Variants in DOCK1 observed in about 807,000 individuals in gnomAD.
DOCK1 encodes the protein dedicator of cytokinesis 1, also known as dedicator of cytokinesis protein 1.
A neutral mutation model predicts 262.7 loss-of-function variants in DOCK1; 138 were observed. The observed-to-expected ratio is 0.53, with a 90% confidence interval of 0.46 to 0.61. The LOEUF (loss-of-function observed/expected upper bound fraction) is 0.61. Ranked by LOEUF, DOCK1 falls within the 20% of genes least tolerant of loss-of-function variation. DOCK1 has a pLI of 0.00. For missense variants in DOCK1, 1,908 were observed against 2,370.7 expected (o/e 0.80, Z 4.05); for synonymous variants, 866 against 867.4 (o/e 1.00, Z 0.03).
intron 27 of DOCK1, among the ~76,000 whole-genome samples, chr10:127,183,823 T>C (rs1307686216): frequency 6.6e-6 from 1 of 152,220 alleles, no homozygotes; most frequent in African/African-American, 2.4e-5. Context: ...TCCTTAAAAA[T>C]CTACCTCTTA....
chr10:126,925,854 G>A (rs1249763049), intron 1 of DOCK1, among the ~76,000 whole-genome samples: 1 of 151,920 alleles, frequency 6.6e-6, no homozygotes, highest in African/African-American at 2.4e-5. Context: ...TCACAGTAGG[G>A]TGTGATGTGG....
At chr10:127,153,738 A>G (rs1376706348) in intron 27 of DOCK1, 2 of 789,218 alleles carry the variant, frequency 2.5e-6, no homozygotes, top group Non-Finnish European at 2.1e-6. Flanking sequence ...AAGGTCCTTC[A>G]CTTTTTGTCT....
At chr10:127,318,103 T>C (rs1295790155) in intron 29 of DOCK1, among the ~76,000 whole-genome samples, 1 of 152,194 alleles carries the variant, frequency 6.6e-6, no homozygotes, top group African/African-American at 2.4e-5. Context: ...TAGATATTGA[T>C]TTGCTAAGTT....
intron 1 of DOCK1, among the ~76,000 whole-genome samples, chr10:126,921,752 A>G (rs1288798555): frequency 6.6e-6 from 1 of 152,112 alleles, no homozygotes; most frequent in Non-Finnish European, 1.5e-5. Context: ...TCCTGGGTTC[A>G]AGCGATTCTC....
chr10:127,373,639 G>A (rs981887563), intron 33 of DOCK1, 142 bp from the exon 34 acceptor site: 15 of 714,566 alleles, frequency 2.1e-5, no homozygotes, highest in Non-Finnish European at 2.8e-5. Flanking sequence ...TTCTGTGTTG[G>A]CAACTCTTAA....
At chr10:127,295,308 G>A (rs915436786) in intron 29 of DOCK1, among the ~76,000 whole-genome samples, 5 of 152,120 alleles carry the variant, frequency 3.3e-5, no homozygotes, top group Non-Finnish European at 7.4e-5. Flanking sequence ...GGGAGAGGAG[G>A]AGGTGCCAGC....
chr10:127,134,448 A>G (rs1474593615), intron 27 of DOCK1, among the ~76,000 whole-genome samples: 1 of 152,196 alleles, frequency 6.6e-6, no homozygotes, highest in Non-Finnish European at 1.5e-5. Context: ...AGGTTTTCCC[A>G]TACTTTGAGC....
chr10:127,021,514 G>A (rs2042420531), intron 13 of DOCK1, among the ~76,000 whole-genome samples: 1 of 152,138 alleles, frequency 6.6e-6, no homozygotes, highest in Non-Finnish European at 1.5e-5. Flanking sequence ...GAATTTTTAG[G>A]CTGAGAGATC....
intron 10 of DOCK1, among the ~76,000 whole-genome samples, chr10:127,002,934 AT>A (rs1304446589): frequency 6.6e-6 from 1 of 152,162 alleles, no homozygotes; most frequent in Non-Finnish European, 1.5e-5. Flanking sequence ...TTGCTCGTGA[AT>A]TTTCCAGAGT....
rs2038090991 is a variant in DOCK1, at chr10:126,971,272, C to T, written c.130+487C>T. ...TTCACCCTGTTGGTCAGGCTGGTCT[C>T]GAACTCCTGACCTCAAATGATCTGC... On this transcript the variant is annotated intron_variant, in intron 2 of 51. Coordinates refer to ENST00000623213, the MANE Select transcript of DOCK1 (RefSeq NM_001290223.2). Among the ~76,000 whole-genome samples, 4 of 151,792 alleles carry T rather than the reference C, an allele frequency of 2.6e-5. No individual in the cohort carries two copies. In the South Asian group the frequency reaches 8.3e-4, roughly 32 times the overall value.
intron 23 of DOCK1, among the ~76,000 whole-genome samples, chr10:127,075,781 C>T (rs1466381883): frequency 6.6e-6 from 1 of 152,182 alleles, no homozygotes; most frequent in Non-Finnish European, 1.5e-5. Context: ...CCATGCCGCT[C>T]ACCCGACACG....
chr10:127,022,769 C>A (rs1398483715), intron 13 of DOCK1, among the ~76,000 whole-genome samples: 1 of 152,072 alleles, frequency 6.6e-6, no homozygotes, highest in Non-Finnish European at 1.5e-5. Flanking sequence ...AGGAGGCAAC[C>A]TTGCCAGTTA....
chr10:127,294,103 C>T (rs1444015246), intron 29 of DOCK1, among the ~76,000 whole-genome samples: 1 of 152,162 alleles, frequency 6.6e-6, no homozygotes, highest in Non-Finnish European at 1.5e-5. Context: ...TGTCTCAGCC[C>T]ACCTGGCCCC....
intron 38 of DOCK1, among the ~76,000 whole-genome samples, chr10:127,390,972 C>T (rs1311176462): frequency 6.6e-6 from 1 of 152,190 alleles, no homozygotes; most frequent in Non-Finnish European, 1.5e-5. Flanking sequence ...GCGCCAAGAA[C>T]ATCGTCAGAC....
Position 127,404,443 on chromosome 10 carries a change from C to T in DOCK1, c.4122+14C>T. On this transcript the variant is annotated intron_variant, in intron 40 of 51. Transcript: ENST00000623213. ...ACATTCCTGCGGGTAAAGTTTGGTTCTGCCTAATCTGAGCCATGATTGTTC... is the reference window on the plus strand; with the variant it reads ...ACATTCCTGCGGGTAAAGTTTGGTTTTGCCTAATCTGAGCCATGATTGTTC... 6.2e-7 allele frequency: 1 copy of T among 1,607,314 alleles called. No individual in the cohort carries two copies. The highest frequency in any genetic ancestry group is 1.3e-5 in the African/African-American group (1 of 74,924).
intron 33 of DOCK1, among the ~76,000 whole-genome samples, chr10:127,363,005 G>T (rs1257156624): frequency 3.3e-5 from 1 of 30,724 alleles, no homozygotes; most frequent in Non-Finnish European, 6.0e-5. Context: ...ACACACACAC[G>T]CACATCCCCA....
intron 32 of DOCK1, among the ~76,000 whole-genome samples, chr10:127,359,757 C>T (rs1334967638): frequency 2.0e-5 from 3 of 152,148 alleles, no homozygotes; most frequent in African/African-American, 7.2e-5. Flanking sequence ...ATGAGGATTA[C>T]GTATTCTCTT....
chr10:127,175,105 C>T lies in DOCK1; in HGVS notation c.2847+47341C>T, dbSNP rs919893469. The T allele has an allele frequency of 7.7e-5, 76 of 990,086 alleles. No homozygotes were observed. The highest frequency in any genetic ancestry group is 2.3e-4 in the African/African-American group (14 of 61,600). The allele number at this position is 990,086 out of a possible 1,614,324, so 61.3% of individuals were successfully genotyped here. A position where few individuals can be genotyped will look rare whatever the true frequency, so the allele number is the denominator to read the frequency against. ...ACGCCCTTAGACTATGACCTGTTTACGGAAATGCTGGCTTTAGTCTCATTA... is the reference window on the plus strand; with the variant it reads ...ACGCCCTTAGACTATGACCTGTTTATGGAAATGCTGGCTTTAGTCTCATTA... On this transcript the variant is annotated intron_variant, in intron 27 of 51. Transcript: ENST00000623213. This position sits in a 1 kb window ranked among gnomAD's most constrained non-coding sequence, Gnocchi z 6.3.
At chr10:127,233,076 G>A (rs1288364412) in intron 27 of DOCK1, among the ~76,000 whole-genome samples, 1 of 152,170 alleles carries the variant, frequency 6.6e-6, no homozygotes, top group African/African-American at 2.4e-5. Context: ...TTTTATGTAT[G>A]AGGCAAATAA....
Sources: gnomAD v4.1 joint callset for allele counts (sites outside exome capture counted in the v4.1 genomes callset) on GRCh38, gnomAD v4.1.1 for gene constraint, Gnocchi (gnomAD v3.1) non-coding constraint, MANE v1.5 for transcripts, NCBI Gene and HGNC (gene_info 2026-07-23, HGNC 2026-07-21) for gene names.